Variants in EPS8 observed in about 807,000 individuals in gnomAD.
The protein encoded by EPS8 is EGFR pathway substrate 8, signaling adaptor, also known as epidermal growth factor receptor kinase substrate 8.
Under a neutral mutation model 103.8 loss-of-function variants are expected in EPS8, and 42 were observed. The observed-to-expected ratio is 0.40, with a 90% confidence interval of 0.32 to 0.52. The LOEUF (loss-of-function observed/expected upper bound fraction) is 0.52. Ranked by LOEUF, EPS8 falls within the 20% of genes least tolerant of loss-of-function variation. The pLI, the probability that EPS8 is intolerant of heterozygous loss-of-function variation, is 0.40. For synonymous variants in EPS8, 344 were observed against 344.6 expected, an observed-to-expected ratio of 1.00 and a Z score of 0.02; for missense variants, 969 against 1,005.1, an observed-to-expected ratio of 0.96 and a Z score of 0.49.
intron 1 of EPS8, among the ~76,000 whole-genome samples, chr12:15,744,349 TA>T (rs1410994223): frequency 6.6e-6 from 1 of 152,226 alleles, no homozygotes; most frequent in Non-Finnish European, 1.5e-5. Flanking sequence ...GCCCCTTCCT[TA>T]TTTAATTGGT....
At position 15,748,199 on chromosome 12, in the gene EPS8, C is replaced by A. The variant is rs566352919; in HGVS notation, c.-22+40962G>T. Among the ~76,000 whole-genome samples the A allele has an allele frequency of 1.3e-5, 2 of 152,112 alleles. No homozygotes were observed. Among genetic ancestry groups the A allele is most frequent in the Non-Finnish European group, 2.9e-5 (2 of 68,034 alleles). On this transcript the variant is annotated intron_variant, in intron 1 of 20. Transcript: ENST00000281172. The surrounding 1 kb of genome is among the most constrained non-coding windows in gnomAD (Gnocchi z 4.8). ...AAATGGGAAATAATCATAATACCAA[C>A]CTTGTCTACTGCATAAGATCACTGA...
Position 15,654,127 on chromosome 12 carries a change from T to C in EPS8, c.1250+18A>G. 1.9e-6 allele frequency: 3 copies of C among 1,609,886 alleles called. No individual in the cohort carries two copies. The highest frequency in any genetic ancestry group is 8.5e-7 in the Non-Finnish European group (1 of 1,176,406). On this transcript the variant is annotated intron_variant, in intron 13 of 20. Coordinates refer to ENST00000281172, the MANE Select transcript of EPS8 (RefSeq NM_004447.6). ...ACAAAGAATGGTACTTAAGGCATTA[T>C]AGGTGGTAAATGCTTACCTGGCTTT...
chr12:15,663,314 G>A (rs781646914), intron 8 of EPS8, among the ~76,000 whole-genome samples: 9 of 152,070 alleles, frequency 5.9e-5, no homozygotes, highest in East Asian at 1.9e-4. Flanking sequence ...TGCCACTGGC[G>A]CTATTCCACA....
chr12:15,646,151 T>C (rs1371717141), intron 15 of EPS8, among the ~76,000 whole-genome samples: 2 of 152,220 alleles, frequency 1.3e-5, no homozygotes, highest in African/African-American at 4.8e-5. Context: ...TATTCATTGC[T>C]GACTTTTCTT....
chr12:15,675,817 A>G (rs1383939421), intron 3 of EPS8, among the ~76,000 whole-genome samples: 1 of 152,240 alleles, frequency 6.6e-6, no homozygotes, highest in East Asian at 1.9e-4. Flanking sequence ...AAATTAAGCA[A>G]TATCTAATTT....
chr12:15,767,746 T>C lies in EPS8; in HGVS notation c.-22+21415A>G, dbSNP rs1410670624. ...AATTGAAATGGTTGGTGGCAACAGC[T>C]CTCCTTCCAGGAATACCTGTCAAAA... is the stretch of plus-strand genomic sequence containing the variant. On this transcript the variant is annotated intron_variant, in intron 1 of 20. Transcript: ENST00000281172. The surrounding 1 kb of genome is among the most constrained non-coding windows in gnomAD (Gnocchi z 5.5). 6.6e-6 allele frequency among the ~76,000 whole-genome samples: 1 copy of C among 152,228 alleles called. No individual in the cohort carries two copies. Among genetic ancestry groups the C allele is most frequent in the African/African-American group, 2.4e-5 (1 of 41,462 alleles).
intron 1 of EPS8, among the ~76,000 whole-genome samples, chr12:15,741,970 T>G (rs1419595850): frequency 2.0e-5 from 3 of 152,192 alleles, no homozygotes; most frequent in African/African-American, 7.2e-5. Context: ...AGTGTTTGGT[T>G]TTCTGTCCTT....
chr12:15,682,969 T>C lies in EPS8; in HGVS notation c.-18A>G. ...CCATTCATTGTGTCTTTCACTTGTG[T>C]GTTCTAAAAAAAGAAAGACACATAG... On this transcript the variant is annotated 5_prime_UTR_variant, in exon 2 of 21. Coordinates refer to ENST00000281172, the MANE Select transcript of EPS8 (RefSeq NM_004447.6). The C allele has an allele frequency of 6.4e-7, 1 of 1,550,698 alleles. No individual in the cohort carries two copies. Among genetic ancestry groups the C allele is most frequent in the Non-Finnish European group, 8.7e-7 (1 of 1,146,440 alleles).
chr12:15,760,524 A>G lies in EPS8; in HGVS notation c.-22+28637T>C, dbSNP rs972606564. On this transcript the variant is annotated intron_variant, in intron 1 of 20. Coordinates refer to ENST00000281172, the MANE Select transcript of EPS8 (RefSeq NM_004447.6). The surrounding 1 kb of genome is among the most constrained non-coding windows in gnomAD (Gnocchi z 4.5). ...AAGGGAAACTATGAGCCATATCTCC[A>G]ATAAATATTGATGCACAAATCCTCA... Among the ~76,000 whole-genome samples the G allele has an allele frequency of 1.3e-5, 2 of 151,978 alleles. No homozygotes were observed. Among genetic ancestry groups the G allele is most frequent in the African/African-American group, 2.4e-5 (1 of 41,444 alleles).
Position 15,749,715 on chromosome 12 carries a change from T to C in EPS8, c.-22+39446A>G, listed in dbSNP as rs913160079. Among the ~76,000 whole-genome samples, 1 of 152,154 alleles carries C rather than the reference T, an allele frequency of 6.6e-6. No individual in the cohort carries two copies. The highest frequency in any genetic ancestry group is 1.5e-5 in the Non-Finnish European group (1 of 68,030). ...TTGTTCATAATATCTTCATATTGCA[T>C]TGTTCATTAAAATCAAATATAAAAT... On this transcript the variant is annotated intron_variant, in intron 1 of 20. Coordinates refer to ENST00000281172, the MANE Select transcript of EPS8 (RefSeq NM_004447.6). The surrounding 1 kb of genome is among the most constrained non-coding windows in gnomAD (Gnocchi z 4.0).
Position 15,666,448 on chromosome 12 carries a change from G to A in EPS8, c.591C>T (p.Asp197=), listed in dbSNP as rs751623788. 28 of 1,612,474 alleles carry A rather than the reference G, an allele frequency of 1.7e-5. No homozygotes were observed. Among genetic ancestry groups the A allele is most frequent in the Middle Eastern group, 3.3e-4 (2 of 6,058 alleles). ...TCTTTCAATGCTTTTACCTCAGGGC[G>A]TCGGGCCGCCTCTTCTGTTTCCCTC... ...SKGGKQKRRP[D]ALRMISNADP... is the part of the protein sequence containing the mutation. Residue 197 remains aspartate, a synonymous_variant, in exon 7 of 21, where the codon GAC becomes GAT. Transcript: ENST00000281172.
intron 15 of EPS8, among the ~76,000 whole-genome samples, chr12:15,643,380 A>G (rs1195571860): frequency 6.6e-6 from 1 of 152,172 alleles, no homozygotes; most frequent in Non-Finnish European, 1.5e-5. Context: ...CTATATGTTA[A>G]GCATGGATAT....
rs1370483259 is a variant in EPS8 at position 15,749,252 on chromosome 12, T to A, written c.-22+39909A>T. ...ACTGTCCAATAGGTTTTTCAATATATCTTTTAATATAATATCCTTTTATAG... is the reference window on the plus strand; with the variant it reads ...ACTGTCCAATAGGTTTTTCAATATAACTTTTAATATAATATCCTTTTATAG... On this transcript the variant is annotated intron_variant, in intron 1 of 20. Coordinates refer to ENST00000281172, the MANE Select transcript of EPS8 (RefSeq NM_004447.6). This position sits in a 1 kb window ranked among gnomAD's most constrained non-coding sequence, Gnocchi z 4.0. 6.6e-6 allele frequency among the ~76,000 whole-genome samples: 1 copy of A among 152,170 alleles called. No homozygotes were observed. The highest frequency in any genetic ancestry group is 2.4e-5 in the African/African-American group (1 of 41,428).
rs561948230 is a variant in EPS8 at position 15,641,736 on chromosome 12, C to T, written c.1663G>A (p.Asp555Asn). The T allele has an allele frequency of 6.5e-6, 10 of 1,544,622 alleles. No homozygotes were observed. In the African/African-American group the frequency reaches 9.7e-5, roughly 15 times the overall value. Residue 555 changes from aspartate to asparagine, a missense_variant, in exon 16 of 21, where the codon GAT (aspartate) becomes AAT (asparagine). Asp to Asn is a conservative substitution (Grantham distance 23). Coordinates refer to ENST00000281172, the MANE Select transcript of EPS8 (RefSeq NM_004447.6). ...RNNSELSVLK[D>N]DILEILDDRK... Reference sequence around the variant, plus strand: ...AATTATATTACCTCTAAAATATCATCCTTTAGAACCGAGAGCTCACTGTTG... The same window carrying T: ...AATTATATTACCTCTAAAATATCATTCTTTAGAACCGAGAGCTCACTGTTG...
intron 1 of EPS8, among the ~76,000 whole-genome samples, chr12:15,746,595 CCAA>C (rs1182401574): frequency 6.6e-6 from 1 of 152,076 alleles, no homozygotes; most frequent in Non-Finnish European, 1.5e-5. Context: ...TCTCCCAGAA[CCAA>C]CATTGGCAAC....
At chr12:15,782,812 T>C (rs1175524252) in intron 1 of EPS8, among the ~76,000 whole-genome samples, 1 of 152,206 alleles carries the variant, frequency 6.6e-6, no homozygotes, top group Non-Finnish European at 1.5e-5. Context: ...TGTAATAATT[T>C]CATAGCCACC....
intron 14 of EPS8, among the ~76,000 whole-genome samples, chr12:15,647,518 T>C (rs1350470416): frequency 3.9e-5 from 6 of 152,330 alleles, no homozygotes; most frequent in Admixed American, 6.5e-5. Context: ...AAGTAAATAT[T>C]GTCACATGAA....
chr12:15,767,687 TC>T lies in EPS8; in HGVS notation c.-22+21473del, dbSNP rs1947111384. Among the ~76,000 whole-genome samples the T allele has an allele frequency of 6.6e-6, 1 of 152,252 alleles. No homozygotes were observed. The highest frequency in any genetic ancestry group is 1.5e-5 in the Non-Finnish European group (1 of 68,048). ...ATTTGTTTCAAACTGAGATATGTCT[TC>T]TTCTCTGCTAAACATGGTTGTTAGA... On this transcript the variant is annotated intron_variant, in intron 1 of 20. Transcript: ENST00000281172. The surrounding 1 kb of genome is among the most constrained non-coding windows in gnomAD (Gnocchi z 5.5).
chr12:15,768,695 C>A (rs1365902840), intron 1 of EPS8, among the ~76,000 whole-genome samples: 1 of 140,978 alleles, frequency 7.1e-6, no homozygotes, highest in African/African-American at 2.7e-5. Flanking sequence ...GCAATCCACA[C>A]AAATCTACAC....
Sources: gnomAD v4.1 joint callset for allele counts (sites outside exome capture counted in the v4.1 genomes callset) on GRCh38, gnomAD v4.1.1 for gene constraint, Gnocchi (gnomAD v3.1) non-coding constraint, MANE v1.5 for transcripts, NCBI Gene and HGNC (gene_info 2026-07-23, HGNC 2026-07-21) for gene names.